The following PIK3C2G variants were observed in gnomAD, a reference collection of about 807,000 sequenced individuals.
The protein encoded by PIK3C2G is phosphatidylinositol-4-phosphate 3-kinase catalytic subunit type 2 gamma, also known as phosphatidylinositol 3-kinase C2 domain-containing subunit gamma.
A neutral mutation model predicts 181.1 loss-of-function variants in PIK3C2G; 168 were observed. The ratio of observed to expected loss-of-function variants is 0.93; its 90% CI spans 0.82 to 1.05. PIK3C2G has a LOEUF of 1.05. Ranked by LOEUF, PIK3C2G falls within the 50% of genes least tolerant of loss-of-function variation. The pLI, the probability that PIK3C2G is intolerant of heterozygous loss-of-function variation, is 0.00. For synonymous variants in PIK3C2G, 573 were observed against 592.2 expected (o/e 0.97, Z 0.47); for missense variants, 1,869 against 1,732.8 (o/e 1.08, Z -1.40).
chr12:18,650,428 AATTT>A (rs1195754349), downstream of PIK3C2G, among the ~76,000 whole-genome samples: 1 of 144,014 alleles, frequency 6.9e-6, no homozygotes. Context: ...ATTACATAGG[AATTT>A]TTTTAATCTT....
intron 24 of PIK3C2G, among the ~76,000 whole-genome samples, chr12:18,519,460 C>A (rs1942770455): frequency 6.6e-6 from 1 of 152,106 alleles, no homozygotes; most frequent in Non-Finnish European, 1.5e-5. Flanking sequence ...GATCCATTTA[C>A]CATTATGTAA....
At chr12:18,263,114 G>GTA (rs1330861848) in intron 1 of PIK3C2G, among the ~76,000 whole-genome samples, 1 of 152,038 alleles carries the variant, frequency 6.6e-6, no homozygotes, top group Non-Finnish European at 1.5e-5. Flanking sequence ...AGAGTGATGT[G>GTA]TATCTTTGAA....
intron 31 of PIK3C2G, among the ~76,000 whole-genome samples, chr12:18,610,317 T>C (rs1018169607): frequency 1.3e-5 from 2 of 152,052 alleles, no homozygotes; most frequent in African/African-American, 4.8e-5. Flanking sequence ...ATATCAGGTG[T>C]GGAGAAAGTC....
chr12:18,656,776 T>C, the PIK3C2G span, among the ~76,000 whole-genome samples: 60 of 152,062 alleles, frequency 3.9e-4, no homozygotes, highest in African/African-American at 1.3e-3. Context: ...AAAAACACAA[T>C]TATACAGGCA....
At chr12:18,440,484 C>G (rs192353302) in intron 18 of PIK3C2G, among the ~76,000 whole-genome samples, 1 of 152,088 alleles carries the variant, frequency 6.6e-6, no homozygotes, top group African/African-American at 2.4e-5. Flanking sequence ...CAATTTTAAG[C>G]TGGGGAAGCA....
At chr12:18,357,218 C>T (rs1322363240) in intron 11 of PIK3C2G, among the ~76,000 whole-genome samples, 1 of 151,942 alleles carries the variant, frequency 6.6e-6, no homozygotes, top group East Asian at 1.9e-4. Flanking sequence ...CTATTATATA[C>T]ATATATAATA....
At chr12:18,380,193 C>T (rs1942742019) in intron 13 of PIK3C2G, among the ~76,000 whole-genome samples, 4 of 152,138 alleles carry the variant, frequency 2.6e-5, no homozygotes, top group Admixed American at 6.5e-5. Context: ...CTATGTCCGC[C>T]GTGCTTACTC....
chr12:18,708,710 G>A, the PIK3C2G span, among the ~76,000 whole-genome samples: 2 of 152,098 alleles, frequency 1.3e-5, no homozygotes, highest in African/African-American at 4.8e-5. Context: ...AACATGGTAA[G>A]ACTGTGAGGT....
chr12:18,460,733 G>T (rs988612027), intron 18 of PIK3C2G, among the ~76,000 whole-genome samples: 2 of 149,576 alleles, frequency 1.3e-5, no homozygotes, highest in Non-Finnish European at 3.0e-5. Context: ...ATTAGAAAAC[G>T]CAGATTAGCA....
At chr12:18,304,217 T>TAG (rs1177388197) in intron 5 of PIK3C2G, among the ~76,000 whole-genome samples, 1 of 152,280 alleles carries the variant, frequency 6.6e-6, no homozygotes, top group Non-Finnish European at 1.5e-5. Context: ...ACTTCTATAT[T>TAG]TTAAAAAAGT....
chr12:18,352,570 C>T (rs922040492), intron 11 of PIK3C2G, among the ~76,000 whole-genome samples: 5 of 152,180 alleles, frequency 3.3e-5, no homozygotes, highest in African/African-American at 4.8e-5. Flanking sequence ...CTTTGCCATC[C>T]GCAGATGACT....
chr12:18,388,499 T>G lies in PIK3C2G; in HGVS notation c.1996-2623T>G, dbSNP rs534695829. ...CATGTTGGCCAGGCTGGTCTTGAAC[T>G]CCTAACCTCAAGTGATCTGTCTGCC... On this transcript the variant is annotated intron_variant, in intron 14 of 32. Coordinates refer to ENST00000538779, the MANE Select transcript of PIK3C2G (RefSeq NM_001288772.2). Among the ~76,000 whole-genome samples the G allele has an allele frequency of 1.6e-4, 24 of 152,312 alleles. No individual in the cohort carries two copies. In the South Asian group the frequency reaches 3.7e-3, roughly 24 times the overall value.
chr12:18,451,035 G>A (rs913699344), intron 18 of PIK3C2G, among the ~76,000 whole-genome samples: 47 of 152,198 alleles, frequency 3.1e-4, no homozygotes, highest in African/African-American at 1.1e-3. Context: ...TGTTCTTTTT[G>A]CTTAGGATTG....
intron 19 of PIK3C2G, 46 bp from the exon 20 acceptor site, chr12:18,491,405 A>G: frequency 1.0e-6 from 1 of 992,008 alleles, no homozygotes; most frequent in South Asian, 1.4e-5. Context: ...GGAAAAGTCA[A>G]GTTCTTTACA....
intron 30 of PIK3C2G, among the ~76,000 whole-genome samples, chr12:18,598,528 C>T (rs1383057325): frequency 1.3e-5 from 2 of 151,874 alleles, no homozygotes; most frequent in Non-Finnish European, 2.9e-5. Flanking sequence ...AAACGTTAGA[C>T]CTAAAACCAT....
At chr12:18,702,178 A>C in the PIK3C2G span, among the ~76,000 whole-genome samples, 1 of 152,226 alleles carries the variant, frequency 6.6e-6, no homozygotes, top group South Asian at 2.1e-4. Context: ...AAAAGTATTA[A>C]ATGAAATCAG....
At chr12:18,314,370 G>A (rs1292779295) in intron 6 of PIK3C2G, among the ~76,000 whole-genome samples, 2 of 152,086 alleles carry the variant, frequency 1.3e-5, no homozygotes, top group African/African-American at 4.8e-5. Context: ...TCTTTGGGAG[G>A]TATTTAGGTT....
chr12:18,665,187 A>T, the PIK3C2G span, among the ~76,000 whole-genome samples: 2,650 of 152,110 alleles, frequency 0.017, 41 homozygotes, highest in Middle Eastern at 0.054. Context: ...AAATTAAAAA[A>T]AATAAGAACA....
chr12:18,375,575 C>G (rs1479560267), intron 13 of PIK3C2G, among the ~76,000 whole-genome samples: 3 of 152,182 alleles, frequency 2.0e-5, no homozygotes, highest in African/African-American at 7.2e-5. Context: ...AAAGAAAAAG[C>G]ATTATCAGGA....
Sources: allele counts gnomAD v4.1 joint callset (sites outside exome capture counted in the v4.1 genomes callset), GRCh38; gene constraint gnomAD v4.1.1; transcripts MANE v1.5; gene names NCBI Gene and HGNC (gene_info 2026-07-23, HGNC 2026-07-21).